ARHGAP44: variants seen among roughly 807,000 people sequenced by gnomAD.
ARHGAP44 encodes Rho GTPase activating protein 44, also known as rho GTPase-activating protein 44.
A neutral mutation model predicts 106.8 loss-of-function variants in ARHGAP44; 43 were observed. The observed-to-expected ratio is 0.40, with a 90% CI of 0.32 to 0.52. ARHGAP44 has a LOEUF of 0.52. Ranked by LOEUF, ARHGAP44 falls within the 20% of genes least tolerant of loss-of-function variation. The probability of loss-of-function intolerance (pLI) is 0.48; values close to 1 mark genes in which losing one functional copy is unlikely to be tolerated. For missense variants in ARHGAP44, 866 were observed against 1,050.5 expected, an observed-to-expected ratio of 0.82 and a Z score of 2.43; for synonymous variants, 439 against 410.3, an observed-to-expected ratio of 1.07 and a Z score of -0.85.
At chr17:12,856,758 C>T (rs565964217) in intron 1 of ARHGAP44, among the ~76,000 whole-genome samples, 2 of 152,204 alleles carry the variant, frequency 1.3e-5, no homozygotes, top group African/African-American at 4.8e-5. Flanking sequence ...ATTAATAGTC[C>T]TGACCTCAGG....
intron 1 of ARHGAP44, among the ~76,000 whole-genome samples, chr17:12,887,315 ACCT>A (rs1336253181): frequency 6.6e-6 from 1 of 151,870 alleles, no homozygotes; most frequent in Admixed American, 6.6e-5. Flanking sequence ...TTGAACCTTG[ACCT>A]CCTGGGCTCC....
At chr17:12,929,184 G>A (rs1418575072) in intron 7 of ARHGAP44, 138 bp downstream of exon 7, 3 of 721,824 alleles carry the variant, frequency 4.2e-6, no homozygotes, top group Non-Finnish European at 6.8e-6. Flanking sequence ...CCGCCGGCTA[G>A]CATCTCCAAG....
intron 1 of ARHGAP44, among the ~76,000 whole-genome samples, chr17:12,858,564 C>T (rs2035977078): frequency 1.3e-5 from 2 of 152,094 alleles, no homozygotes; most frequent in Non-Finnish European, 2.9e-5. Context: ...TTAGGATAAA[C>T]TAAAGAAAAA....
At chr17:12,895,977 A>C (rs1206114691) in intron 2 of ARHGAP44, among the ~76,000 whole-genome samples, 1 of 152,116 alleles carries the variant, frequency 6.6e-6, no homozygotes, top group Admixed American at 6.5e-5. Flanking sequence ...GCTGGAAACC[A>C]TCATTCTGAG....
At chr17:12,871,682 A>G (rs1314702123) in intron 1 of ARHGAP44, among the ~76,000 whole-genome samples, 1 of 152,128 alleles carries the variant, frequency 6.6e-6, no homozygotes, top group Non-Finnish European at 1.5e-5. Flanking sequence ...TCAACGTGAA[A>G]TTTGGGTGGG....
intron 1 of ARHGAP44, among the ~76,000 whole-genome samples, chr17:12,859,386 C>A (rs1382855942): frequency 6.6e-6 from 1 of 152,162 alleles, no homozygotes; most frequent in East Asian, 1.9e-4. Flanking sequence ...TTCATTATGG[C>A]AGCCATAGGG....
Position 12,949,042 on chromosome 17 carries a change from A to G in ARHGAP44, c.862-98A>G, listed in dbSNP as rs780373710. Reference sequence around the variant, plus strand: ...AGATGGTGTTGGGCAAATGCATGTAAGAGGTTTTGGAGAAAAGAAGCAGGC... The same window carrying G: ...AGATGGTGTTGGGCAAATGCATGTAGGAGGTTTTGGAGAAAAGAAGCAGGC... On this transcript the variant is annotated intron_variant, in intron 10 of 20. Transcript: ENST00000379672. This position sits in a 1 kb window ranked among gnomAD's most constrained non-coding sequence, Gnocchi z 4.1. 8.5e-7 allele frequency: 1 copy of G among 1,178,634 alleles called. No individual in the cohort carries two copies. 73.0% of individuals were successfully genotyped at this position (1,178,634 alleles called of 1,614,324 possible).
chr17:12,964,730 T>C (rs1027133857), intron 16 of ARHGAP44, among the ~76,000 whole-genome samples: 1 of 151,982 alleles, frequency 6.6e-6, no homozygotes, highest in Non-Finnish European at 1.5e-5. Context: ...GAGGTTGCAG[T>C]GAGCCAAGAT....
chr17:12,826,441 A>C (rs62060426), intron 1 of ARHGAP44, among the ~76,000 whole-genome samples: 15,590 of 151,914 alleles, frequency 0.1, 1,521 homozygotes, highest in African/African-American at 0.26. Context: ...CCTCTTGTGT[A>C]TTTTTCCTGT....
chr17:12,841,585 G>GTC (rs146801593), intron 1 of ARHGAP44, among the ~76,000 whole-genome samples: 7,947 of 122,582 alleles, frequency 0.065, 284 homozygotes, highest in Non-Finnish European at 0.094. Context: ...CTGTCTCTCT[G>GTC]TCTCTCTCTC....
intron 7 of ARHGAP44, among the ~76,000 whole-genome samples, chr17:12,933,583 A>G (rs868530456): frequency 2.6e-5 from 4 of 152,308 alleles, no homozygotes; most frequent in Middle Eastern, 6.8e-3. Context: ...TTTCTATAAA[A>G]GACCCCTGAA....
In ARHGAP44 at chr17:12,834,330, A is replaced by ATACATTTT. The variant is rs1199255757; in HGVS notation, c.53+44445_53+44446insTTTACATT. On this transcript the variant is annotated intron_variant, in intron 1 of 20. Transcript: ENST00000379672. ...ATATGCTCCTTACTCTGCTAAAAGT[A>ATACATTTT]TACATTGGGTTTACATTCTCTGCAT... Among the ~76,000 whole-genome samples, 5 of 152,180 alleles carry ATACATTTT rather than the reference A, an allele frequency of 3.3e-5. No homozygotes were observed. The South Asian group carries it at 6.2e-4, about 19-fold the overall frequency.
intron 16 of ARHGAP44, among the ~76,000 whole-genome samples, chr17:12,970,365 CAAAAAA>C (rs66577680): frequency 4.2e-4 from 23 of 55,190 alleles, no homozygotes; most frequent in Non-Finnish European, 5.5e-4. Context: ...GACCCTGTCT[CAAAAAA>C]AAAAAAAAAA....
At chr17:12,814,822 TTTTGA>T (rs768093018) in intron 1 of ARHGAP44, among the ~76,000 whole-genome samples, 4 of 152,280 alleles carry the variant, frequency 2.6e-5, no homozygotes, top group Non-Finnish European at 4.4e-5. Flanking sequence ...TTATTTTTAC[TTTTGA>T]TTTATCTTTC....
intron 18 of ARHGAP44, among the ~76,000 whole-genome samples, chr17:12,978,056 A>AAAAAAAAAAAAAAAAAAAAAAAAT (rs71144940): frequency 6.7e-6 from 1 of 149,108 alleles, no homozygotes; most frequent in Non-Finnish European, 1.5e-5. Context: ...AAAAAAAAAA[A>AAAAAAAAAAAAAAAAAAAAAAAAT]GTGTGTTTCG....
intron 1 of ARHGAP44, among the ~76,000 whole-genome samples, chr17:12,882,506 T>G (rs1380431843): frequency 6.6e-6 from 1 of 152,170 alleles, no homozygotes; most frequent in Non-Finnish European, 1.5e-5. Context: ...TTACTCATGA[T>G]TCTAAAGAGC....
intron 18 of ARHGAP44, among the ~76,000 whole-genome samples, chr17:12,977,109 G>A (rs1389036955): frequency 2.6e-5 from 4 of 151,908 alleles, no homozygotes; most frequent in Non-Finnish European, 5.9e-5. Flanking sequence ...GCAGGCAATG[G>A]CACCCTCTGG....
At chr17:12,967,249 C>CTTTT (rs57651305) in intron 16 of ARHGAP44, among the ~76,000 whole-genome samples, 3 of 93,182 alleles carry the variant, frequency 3.2e-5, no homozygotes, top group Non-Finnish European at 4.2e-5. Flanking sequence ...ACTCTTTTTG[C>CTTTT]TTTTTTTTTT....
chr17:12,825,656 G>T (rs1478349955), intron 1 of ARHGAP44, among the ~76,000 whole-genome samples: 1 of 151,990 alleles, frequency 6.6e-6, no homozygotes, highest in East Asian at 1.9e-4. Flanking sequence ...ACATTATTGA[G>T]GGTAATCAAG....
Sources: gnomAD v4.1 joint callset for allele counts (sites outside exome capture counted in the v4.1 genomes callset) on GRCh38, gnomAD v4.1.1 for gene constraint, Gnocchi (gnomAD v3.1) non-coding constraint, MANE v1.5 for transcripts, NCBI Gene and HGNC (gene_info 2026-07-23, HGNC 2026-07-21) for gene names.